HEPH: variants seen among roughly 807,000 people sequenced by gnomAD.
HEPH encodes hephaestin.
A neutral mutation model predicts 80.8 loss-of-function variants in HEPH; 69 were observed. The ratio of observed to expected loss-of-function variants is 0.85; its 90% confidence interval spans 0.70 to 1.04. HEPH has a LOEUF of 1.04. HEPH is among the 50% of genes least tolerant of loss of function. HEPH has a pLI of 0.00. For synonymous variants in HEPH, 431 were observed against 322.8 expected (o/e 1.34, Z -3.60); for missense variants, 1,115 against 891.3 (o/e 1.25, Z -3.20).
intron 15 of HEPH, among the ~76,000 whole-genome samples, chrX:66,252,199 G>A (rs1156655642): frequency 8.9e-6 from 1 of 112,004 alleles, no homozygotes; most frequent in South Asian, 3.7e-4. Flanking sequence ...TACATAACTG[G>A]TGGCACTATC....
chrX:66,232,878 GC>G (rs1467654557), intron 15 of HEPH, among the ~76,000 whole-genome samples: 2 of 110,020 alleles, frequency 1.8e-5, no homozygotes, highest in Admixed American at 2.0e-4. Context: ...CCTTTGAAAA[GC>G]TTTTGCTCTG....
At chrX:66,229,231 T>C (rs1331855637) in intron 15 of HEPH, among the ~76,000 whole-genome samples, 2 of 112,133 alleles carry the variant, frequency 1.8e-5, no homozygotes, top group East Asian at 5.5e-4. Context: ...TATATAGATA[T>C]AGATGTAGAT....
chrX:66,166,289 G>A (rs1327320323), intron 1 of HEPH, among the ~76,000 whole-genome samples: 1 of 111,451 alleles, frequency 9.0e-6, no homozygotes, highest in Non-Finnish European at 1.9e-5. Context: ...CGCCTCCCAG[G>A]TTCAAGCGAT....
chrX:66,260,692 A>G (rs1181661578), intron 19 of HEPH, among the ~76,000 whole-genome samples: 2 of 112,529 alleles, frequency 1.8e-5, no homozygotes, highest in Non-Finnish European at 3.8e-5. Flanking sequence ...CTAAAAAGAG[A>G]ATAAAAATAA....
At chrX:66,240,027 A>T (rs979108875) in intron 15 of HEPH, among the ~76,000 whole-genome samples, 1 of 112,005 alleles carries the variant, frequency 8.9e-6, no homozygotes, top group Non-Finnish European at 1.9e-5. Flanking sequence ...CCAGATTCTG[A>T]TAATGATATA....
intron 1 of HEPH, among the ~76,000 whole-genome samples, chrX:66,165,285 T>C (rs2086306397): frequency 8.9e-6 from 1 of 112,092 alleles, no homozygotes; most frequent in Non-Finnish European, 1.9e-5. Flanking sequence ...CACATAGCTA[T>C]CACAGACAAG....
intron 19 of HEPH, 47 bp downstream of exon 19, chrX:66,260,309 A>G (rs2091319074): frequency 2.8e-6 from 3 of 1,057,535 alleles, no homozygotes; most frequent in Non-Finnish European, 3.9e-6. Flanking sequence ...CACTTTATCT[A>G]GCCTATAGGA....
intron 13 of HEPH, among the ~76,000 whole-genome samples, chrX:66,206,170 A>G (rs2088761658): frequency 9.1e-6 from 1 of 109,640 alleles, no homozygotes; most frequent in Non-Finnish European, 1.9e-5. Flanking sequence ...GCAGTAGTTA[A>G]TACTTTCCTG....
chrX:66,201,968 C>A (rs1321084196), intron 12 of HEPH, among the ~76,000 whole-genome samples: 1 of 112,020 alleles, frequency 8.9e-6, no homozygotes, highest in African/African-American at 3.2e-5. Context: ...TTTCTTTCAA[C>A]GTGTTTATAA....
Position 66,238,554 on chromosome X carries a change from A to G in HEPH, c.2564-16481A>G, listed in dbSNP as rs1286274750. ...AGTGAGACCCTGTCAAAACAAACAAACAAACAAACAAAAGAATGTTGAACA... is the reference window on the plus strand; with the variant it reads ...AGTGAGACCCTGTCAAAACAAACAAGCAAACAAACAAAAGAATGTTGAACA... On this transcript the variant is annotated intron_variant, in intron 15 of 20. Coordinates refer to ENST00000343002, the MANE Select transcript of HEPH (RefSeq NM_001367233.3). 5.4e-5 allele frequency among the ~76,000 whole-genome samples: 6 copies of G among 111,629 alleles called. No homozygotes were observed. In the East Asian group the frequency reaches 1.7e-3, roughly 32 times the overall value.
chrX:66,179,690 C>T (rs1224552494), intron 4 of HEPH, among the ~76,000 whole-genome samples: 2 of 110,962 alleles, frequency 1.8e-5, no homozygotes, highest in Non-Finnish European at 3.8e-5. Flanking sequence ...TGTGTTTCTC[C>T]CACTATTATT....
At position 66,235,379 on chromosome X, in the gene HEPH, C is replaced by T. The variant is rs772274857; in HGVS notation, c.2564-19656C>T. ...ATATTGAGTTGATTTTTGAATAAGG[C>T]GTAAGGAAGGGGTCCAGTTTCAGTC... On this transcript the variant is annotated intron_variant, in intron 15 of 20. Coordinates refer to ENST00000343002, the MANE Select transcript of HEPH (RefSeq NM_001367233.3). 8.4e-4 allele frequency among the ~76,000 whole-genome samples: 94 copies of T among 111,666 alleles called. 2 individuals are homozygous for T. Among genetic ancestry groups the T allele is most frequent in the African/African-American group, 3.0e-3 (91 of 30,772 alleles).
At chrX:66,189,538 G>A in intron 5 of HEPH, 146 bp from the exon 6 acceptor site, 2 of 583,624 alleles carry the variant, frequency 3.4e-6, no homozygotes, top group Non-Finnish European at 5.3e-6. Context: ...ATGTTTTTGA[G>A]ATTTAAAGAA....
In HEPH at chrX:66,208,236, T is replaced by A. The variant is rs762126051; in HGVS notation, c.2553T>A (p.Ala851=). ...AATCTACTACTGTCTGGCCACTGGCTGCTGAGCCTGGTGAGTGGGGACACT... is the reference window on the plus strand; with the variant it reads ...AATCTACTACTGTCTGGCCACTGGCAGCTGAGCCTGGTGAGTGGGGACACT... ...VLESTTVWPL[A]AEPGEVVTYQ... The change falls in exon 15 of 21, where the codon GCT becomes GCA. Residue 851 remains alanine (A), a synonymous_variant. Coordinates refer to ENST00000343002, the MANE Select transcript of HEPH (RefSeq NM_001367233.3). The A allele has an allele frequency of 1.6e-5, 19 of 1,205,826 alleles. No homozygotes were observed. The highest frequency in any genetic ancestry group is 2.0e-5 in the Non-Finnish European group (18 of 893,196).
At chrX:66,202,806 G>A (rs1471376512) in intron 12 of HEPH, among the ~76,000 whole-genome samples, 1 of 107,729 alleles carries the variant, frequency 9.3e-6, no homozygotes, top group East Asian at 2.9e-4. Flanking sequence ...ACAAATTATT[G>A]TGTTTAATTG....
intron 4 of HEPH, among the ~76,000 whole-genome samples, chrX:66,178,297 G>A (rs1433406661): frequency 8.9e-6 from 1 of 112,415 alleles, no homozygotes; most frequent in East Asian, 2.8e-4. Flanking sequence ...TGGCTGCATA[G>A]TATTCCATGG....
chrX:66,201,154 C>T (rs2088426798), intron 12 of HEPH, among the ~76,000 whole-genome samples: 1 of 110,702 alleles, frequency 9.0e-6, no homozygotes, highest in African/African-American at 3.3e-5. Flanking sequence ...GTGAGGCTTT[C>T]TACAGACTCA....
At chrX:66,216,054 A>G (rs1407626561) in intron 15 of HEPH, among the ~76,000 whole-genome samples, 2 of 111,821 alleles carry the variant, frequency 1.8e-5, no homozygotes, top group Non-Finnish European at 3.8e-5. Context: ...AAGCAGCCAC[A>G]GCAAGCCCTG....
At chrX:66,259,049 AG>A (rs2091272892) in intron 18 of HEPH, 70 bp downstream of exon 18, 4 of 1,068,903 alleles carry the variant, frequency 3.7e-6, no homozygotes, top group South Asian at 2.4e-5. Flanking sequence ...TTGAGAAAAA[AG>A]GTAACAGTGT....
Sources: gnomAD v4.1 joint callset for allele counts (sites outside exome capture counted in the v4.1 genomes callset) on GRCh38, gnomAD v4.1.1 for gene constraint, MANE v1.5 for transcripts, NCBI Gene and HGNC (gene_info 2026-07-23, HGNC 2026-07-21) for gene names.